The following SOCS5 variants were observed in gnomAD, a reference collection of about 807,000 sequenced individuals.
SOCS5 encodes the protein suppressor of cytokine signaling 5, also known as CIS-6.
SOCS5 carries 32 observed loss-of-function variants against 42.8 expected under a neutral mutation model. The ratio of observed to expected loss-of-function variants is 0.75; its 90% confidence interval spans 0.56 to 1.01. The LOEUF is 1.01. SOCS5 is among the 50% of genes least tolerant of loss of function. The pLI, the probability that SOCS5 is intolerant of heterozygous loss-of-function variation, is 0.00. For missense variants in SOCS5, 627 were observed against 653.0 expected, an observed-to-expected ratio of 0.96 and a Z score of 0.43; for synonymous variants, 283 against 229.6, an observed-to-expected ratio of 1.23 and a Z score of -2.10.
At chr2:46,756,939 TAG>T (rs1673744606) in intron 1 of SOCS5, among the ~76,000 whole-genome samples, 1 of 152,248 alleles carries the variant, frequency 6.6e-6, no homozygotes, top group Admixed American at 6.5e-5. Flanking sequence ...TGTTCTAAAA[TAG>T]ACTTTACTGA....
At chr2:46,749,657 A>G (rs1240370639) in intron 1 of SOCS5, among the ~76,000 whole-genome samples, 2 of 152,190 alleles carry the variant, frequency 1.3e-5, no homozygotes, top group African/African-American at 4.8e-5. Flanking sequence ...ACTAAAAAAG[A>G]ATCAGAAGCC....
At chr2:46,720,879 G>T (rs1298429772) in intron 1 of SOCS5, among the ~76,000 whole-genome samples, 1 of 152,152 alleles carries the variant, frequency 6.6e-6, no homozygotes, top group Non-Finnish European at 1.5e-5. Context: ...TTGGGTGTCA[G>T]CATCCTTTCT....
At chr2:46,751,666 C>G (rs1673624851) in intron 1 of SOCS5, among the ~76,000 whole-genome samples, 1 of 151,944 alleles carries the variant, frequency 6.6e-6, no homozygotes, top group Admixed American at 6.6e-5. Context: ...ACTTCATGCT[C>G]TAGTGATCAT....
intron 1 of SOCS5, among the ~76,000 whole-genome samples, chr2:46,757,539 A>T (rs1336325053): frequency 6.6e-6 from 1 of 152,012 alleles, no homozygotes; most frequent in Non-Finnish European, 1.5e-5. Context: ...CAGTTTCCCA[A>T]CTCTTCCAGG....
chr2:46,748,803 A>T (rs1424928460), intron 1 of SOCS5, among the ~76,000 whole-genome samples: 4 of 152,200 alleles, frequency 2.6e-5, no homozygotes, highest in African/African-American at 9.7e-5. Context: ...TGCTGGGGTT[A>T]TAAAGTGGTT....
At chr2:46,740,067 T>C (rs1673337068) in intron 1 of SOCS5, among the ~76,000 whole-genome samples, 1 of 152,242 alleles carries the variant, frequency 6.6e-6, no homozygotes. Flanking sequence ...TATGAAATAC[T>C]GGATAAGACC....
intron 1 of SOCS5, among the ~76,000 whole-genome samples, chr2:46,719,359 C>T (rs1672827974): frequency 6.6e-6 from 1 of 152,140 alleles, no homozygotes; most frequent in Admixed American, 6.5e-5. Context: ...AAACTTTTTC[C>T]AAACTAAGGC....
chr2:46,741,044 T>C (rs1331907797), intron 1 of SOCS5, among the ~76,000 whole-genome samples: 1 of 152,200 alleles, frequency 6.6e-6, no homozygotes, highest in African/African-American at 2.4e-5. Context: ...GAGACCTGTA[T>C]TTGCGATTCC....
rs143678031 is a variant in SOCS5 at position 46,758,673 on chromosome 2, G to A, written c.143G>A (p.Gly48Glu). 7.1e-5 allele frequency: 115 copies of A among 1,614,122 alleles called. No homozygotes were observed. The highest frequency in any genetic ancestry group is 8.1e-5 in the Non-Finnish European group (95 of 1,180,008). Residue 48 changes from glycine to glutamate, a missense_variant, in exon 2 of 2, where the codon GGA becomes GAA. Transcript: ENST00000394861. ...LSVKEKNISI[G>E]DSTPQQQSSP... ...GTCAAAGAGAAAAACATCAGCATAGGAGACTCAACTCCTCAGCAACAAAGC... is the reference window on the plus strand; with the variant it reads ...GTCAAAGAGAAAAACATCAGCATAGAAGACTCAACTCCTCAGCAACAAAGC...
chr2:46,713,312 T>C (rs961467529), intron 1 of SOCS5, among the ~76,000 whole-genome samples: 2 of 152,188 alleles, frequency 1.3e-5, no homozygotes, highest in African/African-American at 4.8e-5. Flanking sequence ...GCTGTGATCA[T>C]GCCACTGCAC....
intron 1 of SOCS5, among the ~76,000 whole-genome samples, chr2:46,744,758 C>T (rs1356378354): frequency 6.6e-6 from 1 of 151,814 alleles, no homozygotes; most frequent in Non-Finnish European, 1.5e-5. Context: ...AAACTCCTGA[C>T]CTCCGGTGAT....
chr2:46,729,222 C>A (rs1431726138), intron 1 of SOCS5, among the ~76,000 whole-genome samples: 3 of 152,182 alleles, frequency 2.0e-5, no homozygotes, highest in African/African-American at 7.2e-5. Context: ...ACTAACATCA[C>A]TGACATATAG....
chr2:46,742,786 C>G (rs1673407534), intron 1 of SOCS5, among the ~76,000 whole-genome samples: 2 of 152,086 alleles, frequency 1.3e-5, no homozygotes, highest in Admixed American at 1.3e-4. Context: ...CTGCCTCAGC[C>G]TCCCGAGTAG....
At chr2:46,709,148 T>G (rs1672559704) in intron 1 of SOCS5, among the ~76,000 whole-genome samples, 1 of 152,160 alleles carries the variant, frequency 6.6e-6, no homozygotes, top group Non-Finnish European at 1.5e-5. Flanking sequence ...CCTCCCAAAG[T>G]GCTGCGATTA....
intron 1 of SOCS5, among the ~76,000 whole-genome samples, chr2:46,756,313 TTAAA>T (rs1673729323): frequency 6.6e-6 from 1 of 152,222 alleles, no homozygotes; most frequent in African/African-American, 2.4e-5. Context: ...GTGGTTTATC[TTAAA>T]TAGGTGGATT....
intron 1 of SOCS5, among the ~76,000 whole-genome samples, chr2:46,740,814 A>G (rs944603073): frequency 6.6e-6 from 1 of 151,854 alleles, no homozygotes; most frequent in African/African-American, 2.4e-5. Flanking sequence ...TGAGGCCCAG[A>G]CCCACTTGTG....
At chr2:46,756,777 G>A (rs1673739908) in intron 1 of SOCS5, among the ~76,000 whole-genome samples, 1 of 152,278 alleles carries the variant, frequency 6.6e-6, no homozygotes, top group Admixed American at 6.5e-5. Flanking sequence ...GAATACGGCA[G>A]GAATTCGACT....
At chr2:46,728,873 A>G (rs1417197307) in intron 1 of SOCS5, among the ~76,000 whole-genome samples, 1 of 151,892 alleles carries the variant, frequency 6.6e-6, no homozygotes, top group Non-Finnish European at 1.5e-5. Flanking sequence ...TGTATTTCTG[A>G]CCCCCAAAGC....
intron 1 of SOCS5, among the ~76,000 whole-genome samples, chr2:46,730,965 C>T (rs1673105321): frequency 6.6e-6 from 1 of 152,174 alleles, no homozygotes; most frequent in South Asian, 2.1e-4. Flanking sequence ...TGGAGCACAG[C>T]AGGTGTTACT....
Sources: gnomAD v4.1 joint callset for allele counts (sites outside exome capture counted in the v4.1 genomes callset) on GRCh38, gnomAD v4.1.1 for gene constraint, MANE v1.5 for transcripts, NCBI Gene and HGNC (gene_info 2026-07-23, HGNC 2026-07-21) for gene names.